Variants in UNC13C observed in about 807,000 individuals in gnomAD.
UNC13C encodes the protein unc-13 homolog C, also known as protein unc-13 homolog C.
In UNC13C, 174 loss-of-function variants were observed where a neutral mutation model predicts 245.4. The observed-to-expected ratio is 0.71, with a 90% CI of 0.63 to 0.80. The LOEUF (loss-of-function observed/expected upper bound fraction) is 0.80, where lower values mean the gene tolerates loss of function less well. Among genes scored for constraint, UNC13C ranks in the 30% least tolerant of loss-of-function variants. UNC13C has a pLI of 0.00. For missense variants in UNC13C, 2,829 were observed against 2,602.9 expected, an observed-to-expected ratio of 1.09 and a Z score of -1.89; for synonymous variants, 992 against 895.1, an observed-to-expected ratio of 1.11 and a Z score of -1.93.
intron 4 of UNC13C, among the ~76,000 whole-genome samples, chr15:54,218,696 T>C (rs2035120725): frequency 6.6e-6 from 1 of 151,812 alleles, no homozygotes; most frequent in African/African-American, 2.4e-5. Flanking sequence ...TTTTGTGTTA[T>C]GGAAAAATCA....
At chr15:53,871,199 C>A in the UNC13C span, among the ~76,000 whole-genome samples, 11 of 152,124 alleles carry the variant, frequency 7.2e-5, no homozygotes, top group Non-Finnish European at 1.3e-4. Flanking sequence ...ATTTTTACCC[C>A]TCTTCCTCTG....
At chr15:54,488,491 A>G (rs954071952) in intron 19 of UNC13C, among the ~76,000 whole-genome samples, 7 of 152,222 alleles carry the variant, frequency 4.6e-5, no homozygotes, top group African/African-American at 1.4e-4. Context: ...GTAAGGACTG[A>G]AAAACAACAC....
chr15:54,452,672 C>A (rs1261866615), intron 19 of UNC13C, among the ~76,000 whole-genome samples: 1 of 152,166 alleles, frequency 6.6e-6, no homozygotes, highest in African/African-American at 2.4e-5. Context: ...ACGGAGTGAT[C>A]CTCAGACCCC....
At chr15:54,385,135 C>T (rs1301533712) in intron 17 of UNC13C, among the ~76,000 whole-genome samples, 1 of 152,048 alleles carries the variant, frequency 6.6e-6, no homozygotes, top group Admixed American at 6.6e-5. Flanking sequence ...TACTGGGAAA[C>T]ATGTACTCAT....
At chr15:54,064,905 A>T (rs189853637) in intron 2 of UNC13C, among the ~76,000 whole-genome samples, 1 of 152,342 alleles carries the variant, frequency 6.6e-6, no homozygotes, top group East Asian at 1.9e-4. Flanking sequence ...AAAATCAGAG[A>T]AAGATGAGAG....
intron 19 of UNC13C, among the ~76,000 whole-genome samples, chr15:54,480,284 T>A (rs893637084): frequency 6.6e-6 from 1 of 151,522 alleles, no homozygotes; most frequent in Non-Finnish European, 1.5e-5. Context: ...TAAGCTATTA[T>A]ATTTAATAAT....
At chr15:54,053,686 G>C (rs1897371441) in intron 2 of UNC13C, among the ~76,000 whole-genome samples, 1 of 151,894 alleles carries the variant, frequency 6.6e-6, no homozygotes, top group Non-Finnish European at 1.5e-5. Flanking sequence ...CAATAAGTTA[G>C]TGTTGACTGT....
At chr15:54,479,633 AT>A (rs1334145011) in intron 19 of UNC13C, among the ~76,000 whole-genome samples, 1 of 151,850 alleles carries the variant, frequency 6.6e-6, no homozygotes, top group Non-Finnish European at 1.5e-5. Context: ...TGATTGTTTC[AT>A]ATATCCGTTT....
At position 54,532,957 on chromosome 15, in the gene UNC13C, T is replaced by C. The variant is rs760947645; in HGVS notation, c.5587T>C (p.Phe1863Leu). 12 of 1,589,026 alleles carry C rather than the reference T, an allele frequency of 7.6e-6. No individual in the cohort carries two copies. In the Admixed American group the frequency reaches 1.0e-4, roughly 14 times the overall value. Residue 1863 changes from phenylalanine (F) to leucine (L), a missense_variant, in exon 26 of 33, where the codon TTC (phenylalanine) becomes CTC (leucine). Physicochemically the swap from Phe to Leu is conservative, Grantham distance 22. Coordinates refer to ENST00000260323, the MANE Select transcript of UNC13C (RefSeq NM_001080534.3). ...IIEECIKQMS[F>L]ELNQMRANGN... ...TGAAGAGTGTATAAAACAGATGAGT[T>C]TCGAACTAAATCAAATGAGAGCAAA...
intron 2 of UNC13C, among the ~76,000 whole-genome samples, chr15:54,116,229 T>C (rs1467799659): frequency 2.0e-5 from 3 of 152,156 alleles, no homozygotes; most frequent in Non-Finnish European, 2.9e-5. Flanking sequence ...ACCAGTGTAA[T>C]TAGAATATTC....
At chr15:54,242,844 C>A (rs540402744) in intron 7 of UNC13C, among the ~76,000 whole-genome samples, 1 of 152,264 alleles carries the variant, frequency 6.6e-6, no homozygotes, top group South Asian at 2.1e-4. Flanking sequence ...TTTTTCACCA[C>A]ACAATTTTCC....
intron 30 of UNC13C, among the ~76,000 whole-genome samples, chr15:54,613,153 A>G (rs539717954): frequency 1.3e-5 from 2 of 151,930 alleles, no homozygotes; most frequent in South Asian, 4.1e-4. Context: ...TACAAAATCA[A>G]TAGCTTTTTT....
chr15:54,448,084 T>G (rs1890933719), intron 19 of UNC13C, among the ~76,000 whole-genome samples: 1 of 152,216 alleles, frequency 6.6e-6, no homozygotes, highest in South Asian at 2.1e-4. Flanking sequence ...TTGAGCGGTT[T>G]TGAGTGAGTT....
At chr15:54,198,598 C>A (rs1443618448) in intron 4 of UNC13C, among the ~76,000 whole-genome samples, 1 of 152,098 alleles carries the variant, frequency 6.6e-6, no homozygotes. Flanking sequence ...TGGGTAGACG[C>A]AGAATAACAA....
rs1034099092 is a variant in UNC13C, at chr15:54,161,921, C to A, written c.3071+18237C>A. On this transcript the variant is annotated intron_variant, in intron 4 of 32. Coordinates refer to ENST00000260323, the MANE Select transcript of UNC13C (RefSeq NM_001080534.3). Reference sequence around the variant, plus strand: ...CGAGATTGCGCCACTGCACCCCAGTCTGGGCTACAGAGAGGGACTCCATTT... The same window carrying A: ...CGAGATTGCGCCACTGCACCCCAGTATGGGCTACAGAGAGGGACTCCATTT... Among the ~76,000 whole-genome samples the A allele has an allele frequency of 4.0e-5, 6 of 151,456 alleles. No homozygotes were observed. The East Asian group carries it at 1.2e-3, about 30-fold the overall frequency.
intron 29 of UNC13C, among the ~76,000 whole-genome samples, chr15:54,563,990 A>T (rs1897401228): frequency 6.6e-6 from 1 of 151,990 alleles, no homozygotes; most frequent in Non-Finnish European, 1.5e-5. Flanking sequence ...GGTTTTGAAC[A>T]CTGTGTGAAA....
At chr15:54,154,596 G>T (rs372779847) in intron 4 of UNC13C, among the ~76,000 whole-genome samples, 9 of 152,194 alleles carry the variant, frequency 5.9e-5, no homozygotes, top group Non-Finnish European at 1.3e-4. Flanking sequence ...TCTCATCCAT[G>T]CAACATTTCC....
intron 28 of UNC13C, among the ~76,000 whole-genome samples, chr15:54,553,368 AATT>A (rs1011221454): frequency 2.2e-4 from 28 of 127,630 alleles, no homozygotes; most frequent in African/African-American, 6.2e-4. Flanking sequence ...TATAATATAT[AATT>A]ATATTATATT....
chr15:54,376,507 G>T (rs1297849536), intron 17 of UNC13C, among the ~76,000 whole-genome samples: 1 of 152,128 alleles, frequency 6.6e-6, no homozygotes, highest in Non-Finnish European at 1.5e-5. Flanking sequence ...TCAAATATGA[G>T]TAACAAGTTT....
Sources: gnomAD v4.1 joint callset for allele counts (sites outside exome capture counted in the v4.1 genomes callset) on GRCh38, gnomAD v4.1.1 for gene constraint, MANE v1.5 for transcripts, NCBI Gene and HGNC (gene_info 2026-07-23, HGNC 2026-07-21) for gene names.